The following SETX variants were observed in gnomAD, a reference collection of about 807,000 sequenced individuals.
SETX encodes helicase senataxin.
A neutral mutation model predicts 227.2 loss-of-function variants in SETX; 90 were observed. The ratio of observed to expected loss-of-function variants is 0.40; its 90% CI spans 0.33 to 0.47. The LOEUF (loss-of-function observed/expected upper bound fraction) is 0.47. Ranked by LOEUF, SETX falls within the 20% of genes least tolerant of loss-of-function variation. The pLI is 0.91. For synonymous variants in SETX, 1,210 were observed against 1,113.2 expected, an observed-to-expected ratio of 1.09 and a Z score of -1.73; for missense variants, 3,052 against 3,181.5, an observed-to-expected ratio of 0.96 and a Z score of 0.98.
intron 2 of SETX, among the ~76,000 whole-genome samples, chr9:132,351,166 T>C (rs1383592002): frequency 6.6e-6 from 1 of 152,190 alleles, no homozygotes; most frequent in South Asian, 2.1e-4. Context: ...TTTTTTCCGG[T>C]AACCTAGTTT....
chr9:132,269,460 G>A (rs1232721313), intron 25 of SETX, 155 bp downstream of exon 25: 9 of 1,585,914 alleles, frequency 5.7e-6, no homozygotes, highest in South Asian at 3.3e-5. Flanking sequence ...AATGGTTCAC[G>A]TGTACACAAA....
At chr9:132,301,016 T>C (rs1293492900) in intron 11 of SETX, among the ~76,000 whole-genome samples, 1 of 151,480 alleles carries the variant, frequency 6.6e-6, no homozygotes, top group Non-Finnish European at 1.5e-5. Context: ...AAAACTGCTA[T>C]AAGGCCAAAA....
rs79742391 is a variant in SETX at position 132,318,520 on chromosome 9, G to C, written c.5275-6664C>G. Among the ~76,000 whole-genome samples the C allele has an allele frequency of 8.9e-3, 1,356 of 152,240 alleles. 6 individuals are homozygous for C. Among genetic ancestry groups the C allele is most frequent in the Middle Eastern group, 0.017 (5 of 294 alleles). ...TTTTGTATCTCTACTGATGAGTAGG[G>C]TAGAGAGTCATGGGGATACAACTCT... is the stretch of plus-strand genomic sequence containing the variant. On this transcript the variant is annotated intron_variant, in intron 10 of 25. Transcript: ENST00000224140.
intron 12 of SETX, among the ~76,000 whole-genome samples, chr9:132,300,129 TCAA>T (rs1844903455): frequency 1.9e-5 from 1 of 51,984 alleles, no homozygotes; most frequent in African/African-American, 7.8e-5. Context: ...AAACTCCGTC[TCAA>T]AAAAAAAAAA....
At chr9:132,283,499 A>G (rs745626915) in intron 18 of SETX, 86 bp from the exon 19 acceptor site, 14 of 1,471,700 alleles carry the variant, frequency 9.5e-6, no homozygotes, top group Non-Finnish European at 1.3e-5. Context: ...AACACTCACT[A>G]TTTATTAAAA....
chr9:132,291,736 T>A (rs1844324983), intron 15 of SETX, among the ~76,000 whole-genome samples: 1 of 152,156 alleles, frequency 6.6e-6, no homozygotes, highest in South Asian at 2.1e-4. Flanking sequence ...TCTGTTTTGT[T>A]CTTTAACATT....
chr9:132,347,041 G>A (rs1367885005), intron 3 of SETX, among the ~76,000 whole-genome samples: 1 of 151,988 alleles, frequency 6.6e-6, no homozygotes, highest in Non-Finnish European at 1.5e-5. Flanking sequence ...GATCACCTGA[G>A]GTCGGGAGTT....
chr9:132,264,679 C>T lies in SETX; in HGVS notation c.7594G>A (p.Val2532Ile). The change falls in exon 26 of 26, where the codon GTT becomes ATT. Residue 2532 changes from valine (V) to isoleucine (I), a missense_variant. Physicochemically the swap from Val to Ile is conservative, Grantham distance 29. This residue lies in a region of SETX where 294 missense variants were observed against 278.8 expected (regional missense o/e 1.05). Coordinates refer to ENST00000224140, the MANE Select transcript of SETX (RefSeq NM_015046.7). ...CGTGGGTCCTGAAGTTGGTCATGAACAGGAGGTCTTTCAGGGTCCTTTGAA... is the reference window on the plus strand; with the variant it reads ...CGTGGGTCCTGAAGTTGGTCATGAATAGGAGGTCTTTCAGGGTCCTTTGAA... ...VTSKDPERPP[V>I]HDQLQDPRLL... 6.2e-7 allele frequency: 1 copy of T among 1,614,214 alleles called. No individual in the cohort carries two copies. The highest frequency in any genetic ancestry group is 8.5e-7 in the Non-Finnish European group (1 of 1,180,040).
chr9:132,353,377 A>T (rs1010286090), intron 2 of SETX, among the ~76,000 whole-genome samples: 1 of 149,006 alleles, frequency 6.7e-6, no homozygotes, highest in African/African-American at 2.5e-5. Flanking sequence ...TCAGGAACTT[A>T]AAAAAAAAAG....
chr9:132,292,434 A>G (rs866191333), intron 15 of SETX, among the ~76,000 whole-genome samples: 7 of 148,822 alleles, frequency 4.7e-5, no homozygotes, highest in South Asian at 2.1e-4. Flanking sequence ...AAAAAAAAAA[A>G]AAAGAAAACA....
intron 10 of SETX, among the ~76,000 whole-genome samples, chr9:132,324,552 T>A (rs147421485): frequency 2.0e-5 from 3 of 152,206 alleles, no homozygotes; most frequent in African/African-American, 7.2e-5. Context: ...TGGGTCTCAG[T>A]GTAAATATCA....
chr9:132,316,482 G>T (rs920229070), intron 10 of SETX, among the ~76,000 whole-genome samples: 4 of 152,120 alleles, frequency 2.6e-5, no homozygotes, highest in African/African-American at 9.7e-5. Context: ...ATCCATTAAT[G>T]TGGCTAATGC....
rs1457629561 is a variant in SETX, at chr9:132,331,390, G to A, written c.897C>T (p.Arg299=). 6.2e-7 allele frequency: 1 copy of A among 1,614,018 alleles called. No individual in the cohort carries two copies. Residue 299 remains arginine, a synonymous_variant, in exon 8 of 26, where the codon CGC becomes CGT. Transcript: ENST00000224140. The part of the protein sequence containing the change: ...ALHCFMVILD[R]LGSKVWGQLM... ...GTTGACCCCAGACCTTAGATCCAAG[G>A]CGATCCAGAATCACCATAAAACAGT...
intron 5 of SETX, among the ~76,000 whole-genome samples, chr9:132,338,201 C>T (rs1847752787): frequency 6.6e-6 from 1 of 150,582 alleles, no homozygotes. Flanking sequence ...AAGTCATTGT[C>T]CTACCTGAGC....
At chr9:132,288,080 G>A (rs1486155110) in intron 17 of SETX, among the ~76,000 whole-genome samples, 156 bp downstream of exon 17, 1 of 152,168 alleles carries the variant, frequency 6.6e-6, no homozygotes, top group Non-Finnish European at 1.5e-5. Flanking sequence ...GGAGGCTGAG[G>A]CAGGAGGATC....
rs1847611089 is a variant in SETX, at chr9:132,336,312, G to A, written c.702C>T (p.Tyr234=). The A allele has an allele frequency of 6.2e-6, 10 of 1,612,566 alleles. No homozygotes were observed. Among genetic ancestry groups the A allele is most frequent in the Non-Finnish European group, 8.5e-6 (10 of 1,178,580 alleles). Residue 234 remains tyrosine (Y), a synonymous_variant, in exon 6 of 26, where the codon TAC becomes TAT. Coordinates refer to ENST00000224140, the MANE Select transcript of SETX (RefSeq NM_015046.7). ...AATACTCACCTAACCAATAGCTTTT[G>A]TAGTTGGTAGTATCATACATGTGTG... is the stretch of plus-strand genomic sequence containing the variant. ...LPSHMYDTTN[Y]KSYWLGICML...
At chr9:132,334,514 C>T in intron 7 of SETX, 94 bp downstream of exon 7, 1 of 1,420,728 alleles carries the variant, frequency 7.0e-7, no homozygotes, top group Non-Finnish European at 9.9e-7. Context: ...TTCTTTTCTC[C>T]ACAACATACA....
chr9:132,302,146 A>G (rs1845032347), intron 11 of SETX, among the ~76,000 whole-genome samples: 1 of 150,748 alleles, frequency 6.6e-6, no homozygotes, highest in African/African-American at 2.4e-5. Flanking sequence ...TCATGAGGTC[A>G]GGAGATCGAG....
At chr9:132,312,808 T>C (rs1845742461) in intron 10 of SETX, among the ~76,000 whole-genome samples, 1 of 152,252 alleles carries the variant, frequency 6.6e-6, no homozygotes, top group Non-Finnish European at 1.5e-5. Flanking sequence ...CACAGCATTA[T>C]TTACAATCAC....
Sources: allele counts gnomAD v4.1 joint callset (sites outside exome capture counted in the v4.1 genomes callset), GRCh38; gene constraint gnomAD v4.1.1; regional missense constraint gnomAD v4.1.1; transcripts MANE v1.5; gene names NCBI Gene and HGNC (gene_info 2026-07-23, HGNC 2026-07-21).